Variants in HSPH1 observed in about 807,000 individuals in gnomAD.
HSPH1 encodes the protein heat shock protein 105 kDa.
Under a neutral mutation model 100.0 loss-of-function variants are expected in HSPH1, and 40 were observed. The observed-to-expected ratio is 0.40, with a 90% CI of 0.31 to 0.52. The LOEUF (loss-of-function observed/expected upper bound fraction) is 0.52, where lower values mean the gene tolerates loss of function less well. Ranked by LOEUF, HSPH1 falls within the 20% of genes least tolerant of loss-of-function variation. The probability of loss-of-function intolerance (pLI) is 0.54; values close to 1 mark genes in which losing one functional copy is unlikely to be tolerated. For missense variants in HSPH1, 876 were observed against 1,015.1 expected, an observed-to-expected ratio of 0.86 and a Z score of 1.86; for synonymous variants, 403 against 344.0, an observed-to-expected ratio of 1.17 and a Z score of -1.90.
chr13:31,161,827 A>C lies in HSPH1; in HGVS notation c.-245T>G. 1 of 1,477,166 alleles carries C rather than the reference A, an allele frequency of 6.8e-7. No individual in the cohort carries two copies. The highest frequency in any genetic ancestry group is 9.0e-7 in the Non-Finnish European group (1 of 1,115,148). The allele number at this position is 1,477,166 out of a possible 1,614,324, so 91.5% of individuals were successfully genotyped here. A position where few individuals can be genotyped will look rare whatever the true frequency, so the allele number is the denominator to read the frequency against. On this transcript the variant is annotated 5_prime_UTR_variant, in exon 1 of 18. Coordinates refer to ENST00000320027, the MANE Select transcript of HSPH1 (RefSeq NM_006644.4). The stretch of plus-strand genomic sequence containing the variant: ...GGAGAAAGCGGGGCTCAGCCTCCGC[A>C]GGTCGCTCCGCACCTCGGGTTGCCT...
chr13:31,156,268 C>A (rs1593211271), intron 2 of HSPH1, among the ~76,000 whole-genome samples: 1 of 152,054 alleles, frequency 6.6e-6, no homozygotes, highest in Non-Finnish European at 1.5e-5. Context: ...CGGGCACCTG[C>A]AGTCCCAGCT....
In HSPH1 at chr13:31,153,366, G is replaced by A. The variant is rs1227859947; in HGVS notation, c.430-415C>T. On this transcript the variant is annotated intron_variant, in intron 4 of 17. Transcript: ENST00000320027. ...TAATGTTCAACATAATTAAACTATAGGTAAAAACTACAGGAACTTAAAGAG... is the reference window on the plus strand; with the variant it reads ...TAATGTTCAACATAATTAAACTATAAGTAAAAACTACAGGAACTTAAAGAG... Among the ~76,000 whole-genome samples, 10 of 152,244 alleles carry A rather than the reference G, an allele frequency of 6.6e-5. 1 individual carries two copies. In the East Asian group the frequency reaches 9.6e-4, roughly 15 times the overall value.
At chr13:31,156,717 G>A (rs1956710843) in intron 2 of HSPH1, among the ~76,000 whole-genome samples, 1 of 152,230 alleles carries the variant, frequency 6.6e-6, no homozygotes, top group South Asian at 2.1e-4. Context: ...GAAGGCAGAA[G>A]AGTAATTCAA....
rs760049416 is a variant in HSPH1, at chr13:31,137,152, T to C, written c.*166A>G. The C allele has an allele frequency of 1.3e-6, 1 of 742,404 alleles. No homozygotes were observed. The highest frequency in any genetic ancestry group is 1.5e-5 in the South Asian group (1 of 68,122). The allele number at this position is 742,404 out of a possible 1,614,324, so 46.0% of individuals were successfully genotyped here. A position where few individuals can be genotyped will look rare whatever the true frequency, so the allele number is the denominator to read the frequency against. Reference sequence around the variant, plus strand: ...ACCAAGGCAATTTTCCCTTTTAGGATCATAAAGACTACAGACTTAAGCTTT... The same window carrying C: ...ACCAAGGCAATTTTCCCTTTTAGGACCATAAAGACTACAGACTTAAGCTTT... On this transcript the variant is annotated 3_prime_UTR_variant, in exon 18 of 18. Transcript: ENST00000320027.
intron 1 of HSPH1, 82 bp downstream of exon 1, chr13:31,161,394 C>A: frequency 6.4e-7 from 1 of 1,554,012 alleles, no homozygotes; most frequent in Admixed American, 1.9e-5. Flanking sequence ...CGCGGTGATC[C>A]GTACAGCCAG....
intron 1 of HSPH1, 125 bp downstream of exon 1, chr13:31,161,338 CTAGTTCCACGGAG>C (rs2137676868): frequency 6.9e-7 from 1 of 1,445,386 alleles, no homozygotes. Flanking sequence ...TCGCTGGTCC[CTAGTTCCACGGAG>C]GGGTGCGCCG....
intron 5 of HSPH1, chr13:31,151,995 T>C: frequency 2.7e-6 from 1 of 375,290 alleles, no homozygotes; most frequent in African/African-American, 2.1e-5. Context: ...ATGGCGTGAA[T>C]ACAGTGAAAC....
intron 4 of HSPH1, among the ~76,000 whole-genome samples, chr13:31,153,448 T>A (rs1477576881): frequency 6.6e-6 from 1 of 152,226 alleles, no homozygotes; most frequent in Non-Finnish European, 1.5e-5. Context: ...AGGTGCTCTT[T>A]AATTCAGTCA....
chr13:31,144,440 T>C (rs1048556497), intron 11 of HSPH1, among the ~76,000 whole-genome samples: 18 of 152,206 alleles, frequency 1.2e-4, no homozygotes, highest in Non-Finnish European at 2.5e-4. Context: ...CTGTCCCCAC[T>C]TTCTGTGATC....
At position 31,155,663 on chromosome 13, in the gene HSPH1, AG is replaced by A. The variant is rs775762624; in HGVS notation, c.166-10del. On this transcript the variant is annotated splice_polypyrimidine_tract_variant and intron_variant, in intron 2 of 17. Coordinates refer to ENST00000320027, the MANE Select transcript of HSPH1 (RefSeq NM_006644.4). ...TTTGCATGAGTGATTTGCTGCAAAAAGAAGTTTGAGATTTTAATTTTTTTCT... is the reference window on the plus strand; with the variant it reads ...TTTGCATGAGTGATTTGCTGCAAAAAAAGTTTGAGATTTTAATTTTTTTCT... 1 of 1,571,162 alleles carries A rather than the reference AG, an allele frequency of 6.4e-7. No individual in the cohort carries two copies. Among genetic ancestry groups the A allele is most frequent in the Non-Finnish European group, 8.6e-7 (1 of 1,161,758 alleles).
At position 31,154,638 on chromosome 13, in the gene HSPH1, T is replaced by C. The variant is rs771246005; in HGVS notation, c.424A>G (p.Ile142Val). 6.2e-7 allele frequency: 1 copy of C among 1,614,054 alleles called. No individual in the cohort carries two copies. Among genetic ancestry groups the C allele is most frequent in the East Asian group, 2.2e-5 (1 of 44,858 alleles). The change falls in exon 4 of 18, where the codon ATT becomes GTT. Residue 142 changes from isoleucine to valine, a missense_variant. Coordinates refer to ENST00000320027, the MANE Select transcript of HSPH1 (RefSeq NM_006644.4). ...CCTTGCTGAATTATACTTACTGAAATAACACAATCTGTTACTGGTTTCTTG... is the reference window on the plus strand; with the variant it reads ...CCTTGCTGAATTATACTTACTGAAACAACACAATCTGTTACTGGTTTCTTG... ...SLKKPVTDCV[I>V]SVPSFFTDAE...
intron 12 of HSPH1, among the ~76,000 whole-genome samples, 157 bp downstream of exon 12, chr13:31,143,635 T>C (rs1183150518): frequency 1.3e-5 from 2 of 152,178 alleles, no homozygotes; most frequent in African/African-American, 4.8e-5. Context: ...TACCTCTAAC[T>C]GGTTTTAGTT....
Position 31,138,607 on chromosome 13 carries a change from G to T in HSPH1, c.2209-39C>A. The stretch of plus-strand genomic sequence containing the variant: ...ACACGGTCATTCTGTAGAATTTATT[G>T]AACAATAGTATCTCATTTGACTCAA... On this transcript the variant is annotated intron_variant, in intron 16 of 17. Coordinates refer to ENST00000320027, the MANE Select transcript of HSPH1 (RefSeq NM_006644.4). 6 of 1,571,432 alleles carry T rather than the reference G, an allele frequency of 3.8e-6. No individual in the cohort carries two copies. The South Asian group carries it at 4.7e-5, about 12-fold the overall frequency.
chr13:31,151,785 C>T (rs781278248), intron 5 of HSPH1, 43 bp from the exon 6 acceptor site: 1 of 1,541,546 alleles, frequency 6.5e-7, no homozygotes, highest in Admixed American at 1.9e-5. Flanking sequence ...TTCACATTTT[C>T]TTAGGAATCT....
intron 17 of HSPH1, 37 bp from the exon 18 acceptor site, chr13:31,137,561 G>T: frequency 6.7e-7 from 1 of 1,486,638 alleles, no homozygotes; most frequent in Non-Finnish European, 9.2e-7. Context: ...GATTAACTCA[G>T]ATCCATCCAG....
chr13:31,153,508 TA>T (rs1956562140), intron 4 of HSPH1, among the ~76,000 whole-genome samples: 1 of 152,218 alleles, frequency 6.6e-6, no homozygotes, highest in African/African-American at 2.4e-5. Context: ...TCAATTTTCC[TA>T]AGAGTAAAAA....
chr13:31,152,839 G>A lies in HSPH1; in HGVS notation c.529+13C>T, dbSNP rs1365434260. ...ATAGTATATTCACTTCCACACAAAT[G>A]CCTTTTCCTTACCAGCTGTCATGTC... On this transcript the variant is annotated intron_variant, in intron 5 of 17. Transcript: ENST00000320027. 6.5e-7 allele frequency: 1 copy of A among 1,544,806 alleles called. No individual in the cohort carries two copies. Among genetic ancestry groups the A allele is most frequent in the Non-Finnish European group, 9.0e-7 (1 of 1,117,266 alleles).
rs1246417161 is a variant in HSPH1, at chr13:31,150,316, A to G, written c.909-134T>C. On this transcript the variant is annotated intron_variant, in intron 7 of 17. Coordinates refer to ENST00000320027, the MANE Select transcript of HSPH1 (RefSeq NM_006644.4). ...CATGGGCCAAGTTTAGCTGTATTGTAGTTTATAGCTCTTTTGTTTTTGATA... is the reference window on the plus strand; with the variant it reads ...CATGGGCCAAGTTTAGCTGTATTGTGGTTTATAGCTCTTTTGTTTTTGATA... 6.5e-6 allele frequency: 4 copies of G among 612,654 alleles called. No homozygotes were observed. The Admixed American group carries it at 1.2e-4, about 19-fold the overall frequency. 38.0% of individuals were successfully genotyped at this position (612,654 alleles called of 1,614,324 possible).
At chr13:31,159,687 T>C (rs1451298108) in intron 1 of HSPH1, among the ~76,000 whole-genome samples, 2 of 151,862 alleles carry the variant, frequency 1.3e-5, no homozygotes, top group Non-Finnish European at 2.9e-5. Flanking sequence ...TTTGGGTGAG[T>C]TACTCCTACC....
Sources: allele counts gnomAD v4.1 joint callset (sites outside exome capture counted in the v4.1 genomes callset), GRCh38; gene constraint gnomAD v4.1.1; transcripts MANE v1.5; gene names NCBI Gene and HGNC (gene_info 2026-07-23, HGNC 2026-07-21).